The following RNLS variants were observed in gnomAD, a reference collection of about 807,000 sequenced individuals.
RNLS encodes renalase.
RNLS carries 39 observed loss-of-function variants against 39.8 expected under a neutral mutation model. That is an observed-to-expected ratio of 0.98 (90% CI 0.76 to 1.28). The LOEUF (loss-of-function observed/expected upper bound fraction) is 1.28, where lower values mean the gene tolerates loss of function less well. Ranked by LOEUF, RNLS falls within the 50% of genes most tolerant of loss-of-function variation. The probability of loss-of-function intolerance (pLI) is 0.00; values close to 1 mark genes in which losing one functional copy is unlikely to be tolerated. For missense variants in RNLS, 410 were observed against 413.3 expected (o/e 0.99, Z 0.07); for synonymous variants, 147 against 150.7 (o/e 0.98, Z 0.18).
chr10:88,222,115 T>C, the RNLS span, among the ~76,000 whole-genome samples: 1 of 152,276 alleles, frequency 6.6e-6, no homozygotes, highest in East Asian at 1.9e-4. Flanking sequence ...CACTGACACA[T>C]AGGCTTATGT....
intron 4 of RNLS, among the ~76,000 whole-genome samples, chr10:88,519,365 G>A (rs919995682): frequency 6.6e-6 from 1 of 151,714 alleles, no homozygotes; most frequent in Non-Finnish European, 1.5e-5. Flanking sequence ...GTAGACTAAT[G>A]CTTACATAGG....
intron 5 of RNLS, among the ~76,000 whole-genome samples, chr10:88,332,869 T>C (rs1847213341): frequency 1.3e-5 from 2 of 152,188 alleles, no homozygotes; most frequent in Non-Finnish European, 1.5e-5. Flanking sequence ...TGATGTACCA[T>C]TTAAGATTTA....
At chr10:88,279,873 G>A (rs1205536333), downstream of RNLS, among the ~76,000 whole-genome samples, 1 of 152,090 alleles carries the variant, frequency 6.6e-6, no homozygotes, top group Non-Finnish European at 1.5e-5. Flanking sequence ...ACTCACTGTA[G>A]TTGGAAAACA....
chr10:88,202,026 T>C, the RNLS span, among the ~76,000 whole-genome samples: 15 of 152,062 alleles, frequency 9.9e-5, no homozygotes, highest in Non-Finnish European at 2.9e-5. Context: ...CTATTCACAA[T>C]AGCAAAGACT....
At chr10:88,209,790 TA>T in the RNLS span, among the ~76,000 whole-genome samples, 2 of 152,240 alleles carry the variant, frequency 1.3e-5, no homozygotes, top group African/African-American at 4.8e-5. Flanking sequence ...TAATAATGGC[TA>T]ACTTTGGTGG....
chr10:88,466,400 T>C (rs987638614), intron 4 of RNLS, among the ~76,000 whole-genome samples: 6 of 152,094 alleles, frequency 3.9e-5, no homozygotes, highest in Non-Finnish European at 8.8e-5. Flanking sequence ...CTGGGCAGCA[T>C]AGGAAGACTC....
At chr10:88,528,784 C>T (rs945460448) in intron 4 of RNLS, among the ~76,000 whole-genome samples, 1 of 147,314 alleles carries the variant, frequency 6.8e-6, no homozygotes, top group Non-Finnish European at 1.5e-5. Context: ...ACCCAGGAGG[C>T]GGAGGTTGCA....
At chr10:88,558,329 T>G (rs887448972) in intron 4 of RNLS, among the ~76,000 whole-genome samples, 13 of 152,312 alleles carry the variant, frequency 8.5e-5, no homozygotes, top group Non-Finnish European at 1.8e-4. Context: ...ATGGGAATAA[T>G]AATATTTCTC....
At chr10:88,236,717 T>A in the RNLS span, among the ~76,000 whole-genome samples, 1 of 152,192 alleles carries the variant, frequency 6.6e-6, no homozygotes, top group East Asian at 1.9e-4. Flanking sequence ...TATTGAACGC[T>A]TACCATGTGC....
chr10:88,470,375 A>G (rs1163128113), intron 4 of RNLS, among the ~76,000 whole-genome samples: 1 of 152,158 alleles, frequency 6.6e-6, no homozygotes, highest in East Asian at 1.9e-4. Context: ...ATGCCCATCA[A>G]TGGTAGACTG....
At chr10:88,186,330 A>G in the RNLS span, among the ~76,000 whole-genome samples, 1 of 152,246 alleles carries the variant, frequency 6.6e-6, no homozygotes, top group African/African-American at 2.4e-5. Context: ...TTAAGCCCTC[A>G]GGATGGAGTT....
chr10:88,294,234 G>C (rs1005467210), intron 6 of RNLS, among the ~76,000 whole-genome samples: 2 of 152,158 alleles, frequency 1.3e-5, no homozygotes, highest in Admixed American at 6.5e-5. Flanking sequence ...TACACACACA[G>C]GGAGAAGTGT....
At chr10:88,483,464 C>T (rs759145420) in intron 4 of RNLS, among the ~76,000 whole-genome samples, 5 of 152,004 alleles carry the variant, frequency 3.3e-5, no homozygotes, top group Non-Finnish European at 5.9e-5. Context: ...TCCTAAAATC[C>T]GCTTGGCAAA....
intron 5 of RNLS, among the ~76,000 whole-genome samples, chr10:88,361,752 G>A (rs570560278): frequency 1.3e-5 from 2 of 152,300 alleles, no homozygotes; most frequent in South Asian, 4.1e-4. Context: ...TAATGGCTTG[G>A]TGAAGCCATT....
chr10:88,345,140 C>T (rs945120003), intron 5 of RNLS, among the ~76,000 whole-genome samples: 1 of 152,090 alleles, frequency 6.6e-6, no homozygotes, highest in Non-Finnish European at 1.5e-5. Context: ...AATGTCACAT[C>T]TGGGCAAAAA....
chr10:88,188,972 G>A, the RNLS span, among the ~76,000 whole-genome samples: 2 of 152,088 alleles, frequency 1.3e-5, no homozygotes, highest in Admixed American at 1.3e-4. Context: ...CCCTTTGCTG[G>A]CAGCTAAGAG....
At chr10:88,353,890 G>A (rs796169026) in intron 5 of RNLS, among the ~76,000 whole-genome samples, 2 of 152,166 alleles carry the variant, frequency 1.3e-5, no homozygotes. Context: ...GAATCTGGGT[G>A]CTCCTGTATT....
intron 5 of RNLS, among the ~76,000 whole-genome samples, chr10:88,361,192 G>A (rs370631615): frequency 2.6e-5 from 4 of 152,122 alleles, no homozygotes; most frequent in East Asian, 1.9e-4. Context: ...GGGTTAGGGC[G>A]CTACCTTTAG....
chr10:88,498,731 T>G (rs553003040), intron 4 of RNLS, among the ~76,000 whole-genome samples: 90 of 151,906 alleles, frequency 5.9e-4, no homozygotes, highest in Non-Finnish European at 1.0e-3. Flanking sequence ...CTTCTACAAA[T>G]TACTCTTGAA....
Sources: allele counts gnomAD v4.1 joint callset (sites outside exome capture counted in the v4.1 genomes callset), GRCh38; gene constraint gnomAD v4.1.1; transcripts MANE v1.5; gene names NCBI Gene and HGNC (gene_info 2026-07-23, HGNC 2026-07-21).